PXDNL: variants seen among roughly 807,000 people sequenced by gnomAD.
PXDNL encodes the protein probable oxidoreductase PXDNL.
PXDNL carries 145 observed loss-of-function variants against 150.8 expected under a neutral mutation model. That is an observed-to-expected ratio of 0.96 (90% CI 0.84 to 1.10). PXDNL has a LOEUF of 1.10. Ranked by LOEUF, PXDNL falls within the 50% of genes least tolerant of loss-of-function variation. The pLI, the probability that PXDNL is intolerant of heterozygous loss-of-function variation, is 0.00. For synonymous variants in PXDNL, 757 were observed against 725.7 expected, an observed-to-expected ratio of 1.04 and a Z score of -0.69; for missense variants, 2,087 against 1,873.9, an observed-to-expected ratio of 1.11 and a Z score of -2.10.
At chr8:51,512,418 C>T (rs758954930) in intron 4 of PXDNL, among the ~76,000 whole-genome samples, 14 of 152,148 alleles carry the variant, frequency 9.2e-5, no homozygotes, top group South Asian at 4.1e-4. Flanking sequence ...TATTCCAATA[C>T]GTCCCCCTCT....
At chr8:51,674,326 G>A (rs1030401677) in intron 1 of PXDNL, among the ~76,000 whole-genome samples, 5 of 152,162 alleles carry the variant, frequency 3.3e-5, no homozygotes, top group Non-Finnish European at 7.3e-5. Context: ...AATAGCCCTG[G>A]GAGCTGGAAC....
chr8:51,559,419 T>C (rs957973807), intron 3 of PXDNL, among the ~76,000 whole-genome samples: 2 of 147,492 alleles, frequency 1.4e-5, no homozygotes, highest in East Asian at 4.3e-4. Context: ...CAGCTTCCCG[T>C]TTCCCATAGG....
intron 1 of PXDNL, among the ~76,000 whole-genome samples, chr8:51,796,529 GAGAATACTAT>G (rs770713739): frequency 6.6e-6 from 1 of 152,102 alleles, no homozygotes; most frequent in Non-Finnish European, 1.5e-5. Context: ...ACAACCATCA[GAGAATACTAT>G]AAACACCTCT....
At chr8:51,358,005 T>C (rs890047091) in intron 19 of PXDNL, among the ~76,000 whole-genome samples, 4 of 152,118 alleles carry the variant, frequency 2.6e-5, no homozygotes, top group African/African-American at 9.7e-5. Context: ...AAGGTGTCTG[T>C]TTAGTGCAGA....
intron 4 of PXDNL, among the ~76,000 whole-genome samples, chr8:51,508,702 A>G (rs1339517255): frequency 1.3e-5 from 2 of 152,134 alleles, no homozygotes; most frequent in African/African-American, 2.4e-5. Context: ...CCCACATTGC[A>G]CAGCCAGCCC....
At chr8:51,760,066 T>A (rs1044317350) in intron 1 of PXDNL, among the ~76,000 whole-genome samples, 3 of 152,228 alleles carry the variant, frequency 2.0e-5, no homozygotes, top group African/African-American at 7.2e-5. Context: ...CAAGCTACCC[T>A]TGTTGGAATT....
intron 19 of PXDNL, among the ~76,000 whole-genome samples, chr8:51,365,146 C>T (rs926823569): frequency 5.9e-5 from 9 of 152,132 alleles, no homozygotes; most frequent in Non-Finnish European, 1.2e-4. Flanking sequence ...CTGTGTTGGC[C>T]AGCCTGGCCT....
intron 1 of PXDNL, among the ~76,000 whole-genome samples, chr8:51,792,680 G>A (rs914187070): frequency 5.9e-5 from 9 of 152,162 alleles, no homozygotes; most frequent in Non-Finnish European, 1.2e-4. Flanking sequence ...GACCCAGGAG[G>A]AATTCCCCAC....
At chr8:51,675,222 G>T (rs1439514557) in intron 1 of PXDNL, among the ~76,000 whole-genome samples, 1 of 152,150 alleles carries the variant, frequency 6.6e-6, no homozygotes, top group African/African-American at 2.4e-5. Flanking sequence ...CAATGCGATA[G>T]TATTAAGAGG....
intron 1 of PXDNL, among the ~76,000 whole-genome samples, chr8:51,737,345 A>T (rs1817059226): frequency 6.6e-6 from 1 of 152,258 alleles, no homozygotes; most frequent in African/African-American, 2.4e-5. Flanking sequence ...TGACAAACTT[A>T]TATGCCCAAA....
intron 1 of PXDNL, among the ~76,000 whole-genome samples, chr8:51,781,317 C>CA (rs1418463173): frequency 6.7e-6 from 1 of 150,170 alleles, no homozygotes; most frequent in African/African-American, 2.5e-5. Context: ...GGCGCACATG[C>CA]ATGCATGTGG....
intron 4 of PXDNL, among the ~76,000 whole-genome samples, chr8:51,537,266 A>G (rs1454761805): frequency 6.6e-6 from 1 of 152,176 alleles, no homozygotes; most frequent in Non-Finnish European, 1.5e-5. Context: ...TGATTCTAAC[A>G]TGCTGCAGGC....
intron 17 of PXDNL, among the ~76,000 whole-genome samples, chr8:51,388,941 A>T (rs1807809172): frequency 6.6e-6 from 1 of 152,122 alleles, no homozygotes; most frequent in East Asian, 1.9e-4. Context: ...TCCTTTTAAC[A>T]TGGTTTCTAT....
intron 1 of PXDNL, among the ~76,000 whole-genome samples, chr8:51,666,370 C>T (rs1815385382): frequency 6.6e-6 from 1 of 152,122 alleles, no homozygotes; most frequent in African/African-American, 2.4e-5. Context: ...GTTTGGTTTC[C>T]ATGCAGCTAT....
chr8:51,615,135 T>A (rs1814104715), intron 2 of PXDNL, among the ~76,000 whole-genome samples: 1 of 152,230 alleles, frequency 6.6e-6, no homozygotes, highest in South Asian at 2.1e-4. Context: ...AATCTCTATG[T>A]TGTAAATGGC....
rs530501838 is a variant in PXDNL at position 51,471,679 on chromosome 8, A to ATT, written c.812+506_812+507dup. Reference sequence around the variant, plus strand: ...AATCACTGAGGTCTGGAAATGCATAATTTTTTTTTTTGGTTTTTTTTTTTT... The same window carrying ATT: ...AATCACTGAGGTCTGGAAATGCATAATTTTTTTTTTTTTGGTTTTTTTTTTTT... On this transcript the variant is annotated intron_variant, in intron 8 of 22. Coordinates refer to ENST00000356297, the MANE Select transcript of PXDNL (RefSeq NM_144651.5). Among the ~76,000 whole-genome samples, 1,324 of 146,394 alleles carry ATT rather than the reference A, an allele frequency of 9.0e-3. 10 individuals carry two copies. Among genetic ancestry groups the ATT allele is most frequent in the African/African-American group, 0.032 (1,266 of 40,110 alleles).
intron 1 of PXDNL, among the ~76,000 whole-genome samples, chr8:51,778,392 A>G (rs2037377674): frequency 1.3e-5 from 2 of 152,178 alleles, no homozygotes; most frequent in Non-Finnish European, 2.9e-5. Context: ...GAGGGTGACT[A>G]CTGGGAAGTT....
rs571259632 is a variant in PXDNL at position 51,399,044 on chromosome 8, G to A, written c.3557+9023C>T. Among the ~76,000 whole-genome samples, 4 of 152,202 alleles carry A rather than the reference G, an allele frequency of 2.6e-5. No homozygotes were observed. In the South Asian group the frequency reaches 8.3e-4, roughly 32 times the overall value. ...ATGACAGTAGAAAGTCTGTGAACTA[G>A]CAAGAAAAATCAATAGAATATTTCC... On this transcript the variant is annotated intron_variant, in intron 17 of 22. Coordinates refer to ENST00000356297, the MANE Select transcript of PXDNL (RefSeq NM_144651.5).
chr8:51,597,101 C>A (rs1813587202), intron 2 of PXDNL, among the ~76,000 whole-genome samples: 1 of 152,142 alleles, frequency 6.6e-6, no homozygotes, highest in South Asian at 2.1e-4. Flanking sequence ...AGGTAGGGGT[C>A]AAGTTTCATT....
Sources: gnomAD v4.1 joint callset for allele counts (sites outside exome capture counted in the v4.1 genomes callset) on GRCh38, gnomAD v4.1.1 for gene constraint, MANE v1.5 for transcripts, NCBI Gene and HGNC (gene_info 2026-07-23, HGNC 2026-07-21) for gene names.